CELF5: variants seen among roughly 807,000 people sequenced by gnomAD.
CELF5 encodes CUGBP Elav-like family member 5.
Under a neutral mutation model 54.9 loss-of-function variants are expected in CELF5, and 6 were observed. That is an observed-to-expected ratio of 0.11 (90% CI 0.06 to 0.22). CELF5 has a LOEUF of 0.22. Among genes scored for constraint, CELF5 ranks in the 10% least tolerant of loss-of-function variants. The pLI is 1.00. For synonymous variants in CELF5, 271 were observed against 290.9 expected (o/e 0.93, Z 0.70); for missense variants, 401 against 678.6 (o/e 0.59, Z 4.54).
chr19:3,276,305 G>C (rs929490211), intron 4 of CELF5, among the ~76,000 whole-genome samples: 1 of 147,380 alleles, frequency 6.8e-6, no homozygotes, highest in Non-Finnish European at 1.5e-5. Flanking sequence ...CCCTTGGGGA[G>C]AGGTGTGGCT....
intron 1 of CELF5, among the ~76,000 whole-genome samples, chr19:3,226,440 T>TCACACACACA (rs71164666): frequency 0.054 from 6,373 of 118,878 alleles, 294 homozygotes; most frequent in African/African-American, 0.093. Context: ...AAACCAACCA[T>TCACACACACA]CACACACACA....
At chr19:3,256,201 T>C (rs551762129) in intron 2 of CELF5, among the ~76,000 whole-genome samples, 11 of 152,112 alleles carry the variant, frequency 7.2e-5, no homozygotes, top group Non-Finnish European at 1.3e-4. Context: ...TTCCCACCCC[T>C]AAAGTATTCG....
At chr19:3,256,017 A>G (rs2079719675) in intron 2 of CELF5, among the ~76,000 whole-genome samples, 2 of 149,440 alleles carry the variant, frequency 1.3e-5, no homozygotes, top group African/African-American at 4.9e-5. Flanking sequence ...GTGAGCCAAG[A>G]TCACGCCTCT....
At chr19:3,267,024 A>G (rs1204577127) in intron 2 of CELF5, among the ~76,000 whole-genome samples, 1 of 151,940 alleles carries the variant, frequency 6.6e-6, no homozygotes, top group Admixed American at 6.6e-5. Context: ...GACAGCCACC[A>G]TCTCTCCTGT....
At chr19:3,230,077 CTCAT>C (rs113956897) in intron 1 of CELF5, among the ~76,000 whole-genome samples, 10,637 of 149,250 alleles carry the variant, frequency 0.071, 399 homozygotes, top group Non-Finnish European at 0.089. Context: ...TAGGACCACA[CTCAT>C]TCATTCATTC....
intron 2 of CELF5, among the ~76,000 whole-genome samples, chr19:3,260,531 T>C (rs1347681213): frequency 2.0e-5 from 3 of 151,992 alleles, no homozygotes; most frequent in Non-Finnish European, 2.9e-5. Context: ...CATGGCTCAC[T>C]GCAACCTTCA....
Position 3,275,708 on chromosome 19 carries a change from T to C in CELF5, c.395-148T>C, listed in dbSNP as rs1369036829. 1 of 793,304 alleles carries C rather than the reference T, an allele frequency of 1.3e-6. No homozygotes were observed. The highest frequency in any genetic ancestry group is 2.8e-5 in the East Asian group (1 of 35,616). 49.1% of individuals were successfully genotyped at this position (793,304 alleles called of 1,614,324 possible). A position where few individuals can be genotyped will look rare whatever the true frequency, so the allele number is the denominator to read the frequency against. On this transcript the variant is annotated intron_variant, in intron 3 of 12. Coordinates refer to ENST00000292672, the MANE Select transcript of CELF5 (RefSeq NM_021938.4). The surrounding 1 kb of genome is among the most constrained non-coding windows in gnomAD (Gnocchi z 6.7). ...GCAGGGAAAGGGCGCGGCTGGGTCC[T>C]CCCTCGCACGCGCAGAACCGGAGCC... is the stretch of plus-strand genomic sequence containing the variant.
intron 2 of CELF5, among the ~76,000 whole-genome samples, chr19:3,261,557 C>G (rs1568345416): frequency 6.6e-6 from 1 of 152,154 alleles, no homozygotes. Context: ...GTGGTTCTCA[C>G]ACCTGTAATC....
intron 8 of CELF5, among the ~76,000 whole-genome samples, chr19:3,283,223 C>T (rs1186775148): frequency 6.6e-6 from 1 of 152,240 alleles, no homozygotes; most frequent in Non-Finnish European, 1.5e-5. Flanking sequence ...AGAGGTCCTT[C>T]CTTTCTCTAT....
chr19:3,227,032 C>T lies in CELF5; in HGVS notation c.259+2034C>T, dbSNP rs536227437. Among the ~76,000 whole-genome samples the T allele has an allele frequency of 1.7e-3, 260 of 152,180 alleles. 2 individuals are homozygous for T. Among genetic ancestry groups the T allele is most frequent in the African/African-American group, 9.2e-4 (38 of 41,516 alleles). On this transcript the variant is annotated intron_variant, in intron 1 of 12. Transcript: ENST00000292672. ...ATTGAGAAGCCGTGTGCACGACAGC[C>T]GGCAATCACCCTCCACTTTTTAGGG...
chr19:3,275,797 ATCCCGGAGGCCC>A lies in CELF5; in HGVS notation c.395-47_395-36del, dbSNP rs893867513. On this transcript the variant is annotated intron_variant, in intron 3 of 12. Transcript: ENST00000292672. This position sits in a 1 kb window ranked among gnomAD's most constrained non-coding sequence, Gnocchi z 6.7. ...TCCACTCTGCTGGAGGGAGGGAGGA[ATCCCGGAGGCCC>A]TCCCGGAGGCCGGGGACTCGGCTGA... is the stretch of plus-strand genomic sequence containing the variant. 2.6e-6 allele frequency: 4 copies of A among 1,548,088 alleles called. No individual in the cohort carries two copies. The highest frequency in any genetic ancestry group is 2.6e-6 in the Non-Finnish European group (3 of 1,139,658).
Position 3,278,723 on chromosome 19 carries a change from G to A in CELF5, c.603+613G>A, listed in dbSNP as rs2080099254. Among the ~76,000 whole-genome samples, 1 of 152,094 alleles carries A rather than the reference G, an allele frequency of 6.6e-6. No individual in the cohort carries two copies. The highest frequency in any genetic ancestry group is 2.4e-5 in the African/African-American group (1 of 41,486). Reference sequence around the variant, plus strand: ...TGTTTGTGTGTGTGCATGACTGTGAGTGTGTCAGTATTGTGGGTGATTGTG... The same window carrying A: ...TGTTTGTGTGTGTGCATGACTGTGAATGTGTCAGTATTGTGGGTGATTGTG... On this transcript the variant is annotated intron_variant, in intron 5 of 12. Coordinates refer to ENST00000292672, the MANE Select transcript of CELF5 (RefSeq NM_021938.4). The surrounding 1 kb of genome is among the most constrained non-coding windows in gnomAD (Gnocchi z 4.5).
intron 10 of CELF5, 139 bp downstream of exon 10, chr19:3,286,164 G>T: frequency 1.6e-6 from 1 of 639,364 alleles, no homozygotes; most frequent in South Asian, 2.4e-5. Context: ...GGCCAGAGTT[G>T]AGTCCCGGTG....
chr19:3,276,010 C>T (rs2080043003), intron 4 of CELF5, 26 bp downstream of exon 4: 5 of 1,096,798 alleles, frequency 4.6e-6, no homozygotes, highest in African/African-American at 2.0e-5. Context: ...CGGGGCGGGA[C>T]TGCGAGAGGG....
Position 3,275,718 on chromosome 19 carries a change from G to A in CELF5, c.395-138G>A. The A allele has an allele frequency of 1.1e-6, 1 of 893,448 alleles. No homozygotes were observed. Among genetic ancestry groups the A allele is most frequent in the Non-Finnish European group, 1.6e-6 (1 of 609,542 alleles). 55.3% of individuals were successfully genotyped at this position (893,448 alleles called of 1,614,324 possible). ...GGCGCGGCTGGGTCCTCCCTCGCAC[G>A]CGCAGAACCGGAGCCGGCAGGGCCC... On this transcript the variant is annotated intron_variant, in intron 3 of 12. Transcript: ENST00000292672. This position sits in a 1 kb window ranked among gnomAD's most constrained non-coding sequence, Gnocchi z 6.7.
intron 2 of CELF5, among the ~76,000 whole-genome samples, chr19:3,258,923 T>C (rs1322919747): frequency 2.0e-5 from 3 of 152,108 alleles, no homozygotes; most frequent in African/African-American, 7.2e-5. Flanking sequence ...GATTTATCTT[T>C]TGGGGAGCCA....
At chr19:3,264,130 T>A (rs1009069423) in intron 2 of CELF5, among the ~76,000 whole-genome samples, 1 of 151,998 alleles carries the variant, frequency 6.6e-6, no homozygotes, top group African/African-American at 2.4e-5. Context: ...GTGGTTTTAC[T>A]GGATACAGTG....
At chr19:3,277,633 T>C (rs1166106313) in intron 4 of CELF5, among the ~76,000 whole-genome samples, 1 of 152,118 alleles carries the variant, frequency 6.6e-6, no homozygotes, top group Non-Finnish European at 1.5e-5. Context: ...TGGCTGGCCC[T>C]TCCATAGTAC....
chr19:3,277,104 C>A (rs1416501849), intron 4 of CELF5, among the ~76,000 whole-genome samples: 1 of 152,008 alleles, frequency 6.6e-6, no homozygotes, highest in Non-Finnish European at 1.5e-5. Context: ...CATGTGGGAC[C>A]GACTCCACTC....
Sources: allele counts gnomAD v4.1 joint callset (sites outside exome capture counted in the v4.1 genomes callset), GRCh38; gene constraint gnomAD v4.1.1; non-coding constraint Gnocchi (gnomAD v3.1); transcripts MANE v1.5; gene names NCBI Gene and HGNC (gene_info 2026-07-23, HGNC 2026-07-21).